CACNA2D4: variants seen among roughly 807,000 people sequenced by gnomAD.
CACNA2D4 encodes the protein calcium voltage-gated channel auxiliary subunit alpha2delta 4, also known as voltage-dependent calcium channel subunit alpha-2/delta-4.
Under a neutral mutation model 163.8 loss-of-function variants are expected in CACNA2D4, and 157 were observed. That is an observed-to-expected ratio of 0.96 (90% CI 0.84 to 1.09). The LOEUF is 1.09. CACNA2D4 is among the 50% of genes least tolerant of loss of function. The pLI is 0.00. For missense variants in CACNA2D4, 1,410 were observed against 1,479.9 expected (o/e 0.95, Z 0.78); for synonymous variants, 598 against 586.9 (o/e 1.02, Z -0.27).
Position 1,799,763 on chromosome 12 carries a change from G to A in CACNA2D4, c.2975-68C>T, listed in dbSNP as rs1409754755. On this transcript the variant is annotated intron_variant, in intron 33 of 37. Coordinates refer to ENST00000382722, the MANE Select transcript of CACNA2D4 (RefSeq NM_172364.5). The surrounding 1 kb of genome is among the most constrained non-coding windows in gnomAD (Gnocchi z 4.7). ...GAAAACATGGTGGCACATGAGGGCA[G>A]GATGTCATGGGGTGGTGATGATGGC... is the stretch of plus-strand genomic sequence containing the variant. 2.0e-6 allele frequency: 3 copies of A among 1,534,696 alleles called. No homozygotes were observed. Among genetic ancestry groups the A allele is most frequent in the Non-Finnish European group, 2.7e-6 (3 of 1,131,260 alleles).
intron 26 of CACNA2D4, among the ~76,000 whole-genome samples, chr12:1,839,686 G>A (rs570362641): frequency 2.0e-5 from 3 of 152,336 alleles, no homozygotes; most frequent in South Asian, 2.1e-4. Flanking sequence ...CCCGGCACAC[G>A]CTGAACACAC....
chr12:1,835,157 T>A, intron 26 of CACNA2D4: 1 of 168,298 alleles, frequency 5.9e-6, no homozygotes, highest in Non-Finnish European at 1.3e-5. Context: ...GGTAGATTTC[T>A]GAGACTCTCT....
At chr12:1,813,150 T>G (rs1863764566) in intron 26 of CACNA2D4, among the ~76,000 whole-genome samples, 1 of 152,186 alleles carries the variant, frequency 6.6e-6, no homozygotes, top group Non-Finnish European at 1.5e-5. Flanking sequence ...GGGCAGAAGT[T>G]GCATAAGATT....
intron 26 of CACNA2D4, among the ~76,000 whole-genome samples, chr12:1,826,753 G>A (rs1864347535): frequency 3.3e-5 from 5 of 152,222 alleles, no homozygotes; most frequent in South Asian, 2.1e-4. Flanking sequence ...TGCTGTGGCC[G>A]CCTGAGGAGC....
At chr12:1,819,478 C>T (rs1304075174) in intron 26 of CACNA2D4, among the ~76,000 whole-genome samples, 1 of 152,084 alleles carries the variant, frequency 6.6e-6, no homozygotes, top group Non-Finnish European at 1.5e-5. Flanking sequence ...ACCCCTCCAG[C>T]AAAGCAGGCA....
rs1592657804 is a variant in CACNA2D4 at position 1,806,974 on chromosome 12, T to G, written c.2721+3304A>C. On this transcript the variant is annotated intron_variant, in intron 29 of 37. Transcript: ENST00000382722. The surrounding 1 kb of genome is among the most constrained non-coding windows in gnomAD (Gnocchi z 4.1). ...GTTTGGGTCGGTTGGTGGGAGTTGGTGGTGGGCAGACTCTAAAGTGGTTCA... is the reference window on the plus strand; with the variant it reads ...GTTTGGGTCGGTTGGTGGGAGTTGGGGGTGGGCAGACTCTAAAGTGGTTCA... Among the ~76,000 whole-genome samples the G allele has an allele frequency of 2.0e-5, 3 of 152,076 alleles. No individual in the cohort carries two copies. In the South Asian group the frequency reaches 6.2e-4, roughly 32 times the overall value.
At chr12:1,816,374 C>G (rs1863871091) in intron 26 of CACNA2D4, among the ~76,000 whole-genome samples, 1 of 152,170 alleles carries the variant, frequency 6.6e-6, no homozygotes, top group African/African-American at 2.4e-5. Context: ...TGTTTTAGAC[C>G]CTGACCTTCG....
chr12:1,834,229 A>G lies in CACNA2D4; in HGVS notation c.2551+6510T>C, dbSNP rs1287504220. On this transcript the variant is annotated intron_variant, in intron 26 of 37. Coordinates refer to ENST00000382722, the MANE Select transcript of CACNA2D4 (RefSeq NM_172364.5). The surrounding 1 kb of genome is among the most constrained non-coding windows in gnomAD (Gnocchi z 7.6). ...TGGGGAGAGGGAGTGCAAGTTCTAG[A>G]TGCCTGGTCAGCCCCTCTTTTTCTC... 2 of 1,518,890 alleles carry G rather than the reference A, an allele frequency of 1.3e-6. No individual in the cohort carries two copies. The highest frequency in any genetic ancestry group is 1.8e-6 in the Non-Finnish European group (2 of 1,133,374). 94.1% of individuals were successfully genotyped at this position (1,518,890 alleles called of 1,614,324 possible).
At chr12:1,831,697 G>C (rs932652570) in intron 26 of CACNA2D4, among the ~76,000 whole-genome samples, 1 of 152,074 alleles carries the variant, frequency 6.6e-6, no homozygotes, top group Non-Finnish European at 1.5e-5. Flanking sequence ...CCCCTCACAT[G>C]AGCCATCACC....
Position 1,799,827 on chromosome 12 carries a change from G to C in CACNA2D4, c.2975-132C>G, listed in dbSNP as rs962651159. ...GTGTCCCAAGATGATGTCACACACA[G>C]AGCCAGGAGTGAGGGATGTGATGAG... On this transcript the variant is annotated intron_variant, in intron 33 of 37. Transcript: ENST00000382722. The surrounding 1 kb of genome is among the most constrained non-coding windows in gnomAD (Gnocchi z 4.7). The C allele has an allele frequency of 1.8e-5, 24 of 1,320,770 alleles. No individual in the cohort carries two copies. In the Admixed American group the frequency reaches 3.0e-4, roughly 16 times the overall value. 81.8% of individuals were successfully genotyped at this position (1,320,770 alleles called of 1,614,324 possible).
chr12:1,795,664 ATATATTTGACTT>A lies in CACNA2D4; in HGVS notation c.3218_3226+3del. On this transcript the variant is annotated splice_donor_variant and splice_donor_region_variant and coding_sequence_variant and intron_variant, in exon 36 of 38. Transcript: ENST00000382722. LOFTEE classifies it high-confidence loss of function. ...CGCACACATCCCCGAGCATTGCAGG[ATATATTTGACTT>A]CTGTCGCCTCCTGCAGCACTGGTGG... The A allele has an allele frequency of 6.3e-7, 1 of 1,580,958 alleles. No homozygotes were observed. Among genetic ancestry groups the A allele is most frequent in the East Asian group, 2.2e-5 (1 of 44,704 alleles).
intron 26 of CACNA2D4, among the ~76,000 whole-genome samples, chr12:1,840,442 A>AG (rs150758503): frequency 0.83 from 100,457 of 121,156 alleles, 39,974 homozygotes; most frequent in East Asian, 1. Context: ...TATGTGGAAG[A>AG]GGGGGGTGGG....
In CACNA2D4 at chr12:1,828,979, G is replaced by T. The variant is rs7959010; in HGVS notation, c.2551+11760C>A. Among the ~76,000 whole-genome samples the T allele has an allele frequency of 2.0e-4, 31 of 152,294 alleles. No homozygotes were observed. Among genetic ancestry groups the T allele is most frequent in the African/African-American group, 7.2e-4 (30 of 41,560 alleles). On this transcript the variant is annotated intron_variant, in intron 26 of 37. Coordinates refer to ENST00000382722, the MANE Select transcript of CACNA2D4 (RefSeq NM_172364.5). The surrounding 1 kb of genome is among the most constrained non-coding windows in gnomAD (Gnocchi z 4.2). ...AAACGGTCCCGCGGGACGGCATTCC[G>T]CCTGACTTCCCGCTCTGATCCAGCA... is the stretch of plus-strand genomic sequence containing the variant.
At position 1,822,981 on chromosome 12, in the gene CACNA2D4, C is replaced by T. The variant is rs184969994; in HGVS notation, c.2552-11258G>A. On this transcript the variant is annotated intron_variant, in intron 26 of 37. Transcript: ENST00000382722. ...TGCAGGCCCAGGGTGTGGGCCCAGT[C>T]GTGGCTCTGCTTCTCTCTGGCCTTC... Among the ~76,000 whole-genome samples the T allele has an allele frequency of 1.3e-3, 196 of 152,334 alleles. 1 individual carries two copies. The highest frequency in any genetic ancestry group is 4.5e-3 in the African/African-American group (186 of 41,586).
intron 26 of CACNA2D4, among the ~76,000 whole-genome samples, chr12:1,822,648 G>A (rs1473366908): frequency 6.6e-6 from 1 of 152,238 alleles, no homozygotes; most frequent in Non-Finnish European, 1.5e-5. Flanking sequence ...TGGGGGTGAG[G>A]ATGGGGCATG....
At chr12:1,910,882 G>T (rs145993955) in intron 3 of CACNA2D4, among the ~76,000 whole-genome samples, 1 of 152,216 alleles carries the variant, frequency 6.6e-6, no homozygotes, top group South Asian at 2.1e-4. Flanking sequence ...CTTAGTAACC[G>T]GATTCTGTTT....
At chr12:1,849,737 G>A (rs986315629) in intron 23 of CACNA2D4, among the ~76,000 whole-genome samples, 2 of 152,106 alleles carry the variant, frequency 1.3e-5, no homozygotes, top group Admixed American at 1.3e-4. Context: ...TAAAAAGTAC[G>A]TGTGTGTATG....
chr12:1,888,925 A>G (rs553860533), intron 6 of CACNA2D4, among the ~76,000 whole-genome samples: 1 of 152,224 alleles, frequency 6.6e-6, no homozygotes, highest in Admixed American at 6.5e-5. Flanking sequence ...ATAGACACAT[A>G]GTATTGGAAC....
At chr12:1,889,588 C>A (rs1030180055) in intron 6 of CACNA2D4, among the ~76,000 whole-genome samples, 18 of 151,158 alleles carry the variant, frequency 1.2e-4, no homozygotes, top group Middle Eastern at 3.4e-3. Context: ...CCGCCCCCCC[C>A]AGTAGCTGGA....
Sources: gnomAD v4.1 joint callset for allele counts (sites outside exome capture counted in the v4.1 genomes callset) on GRCh38, gnomAD v4.1.1 for gene constraint, Gnocchi (gnomAD v3.1) non-coding constraint, MANE v1.5 for transcripts, NCBI Gene and HGNC (gene_info 2026-07-23, HGNC 2026-07-21) for gene names.